GALNT8: variants seen among roughly 807,000 people sequenced by gnomAD.
The protein encoded by GALNT8 is polypeptide N-acetylgalactosaminyltransferase 8.
A neutral mutation model predicts 62.7 loss-of-function variants in GALNT8; 66 were observed. The ratio of observed to expected loss-of-function variants is 1.05; its 90% CI spans 0.86 to 1.29. The LOEUF (loss-of-function observed/expected upper bound fraction) is 1.29. Ranked by LOEUF, GALNT8 falls within the 50% of genes most tolerant of loss-of-function variation. The pLI, the probability that GALNT8 is intolerant of heterozygous loss-of-function variation, is 0.00. For missense variants in GALNT8, 771 were observed against 791.8 expected, an observed-to-expected ratio of 0.97 and a Z score of 0.32; for synonymous variants, 288 against 294.3, an observed-to-expected ratio of 0.98 and a Z score of 0.22.
At chr12:4,771,778 T>C (rs1946425549) in intron 10 of GALNT8, among the ~76,000 whole-genome samples, 1 of 152,008 alleles carries the variant, frequency 6.6e-6, no homozygotes, top group Non-Finnish European at 1.5e-5. Flanking sequence ...AGACGGTAGT[T>C]TGGACAGATG....
chr12:4,726,672 C>T lies in GALNT8; in HGVS notation c.352C>T (p.Leu118Phe), dbSNP rs1029834340. 5.6e-6 allele frequency: 9 copies of T among 1,613,966 alleles called. No homozygotes were observed. The highest frequency in any genetic ancestry group is 7.6e-6 in the Non-Finnish European group (9 of 1,179,978). Residue 118 changes from leucine (L) to phenylalanine (F), a missense_variant, in exon 2 of 11, where the codon CTC (leucine) becomes TTC (phenylalanine). Transcript: ENST00000252318. The surrounding 1 kb of genome is among the most constrained non-coding windows in gnomAD (Gnocchi z 4.1). ...ETKKHKTQMK[L>F]FPHSQLFRQW... Reference sequence around the variant, plus strand: ...AAAGAAGCACAAAACCCAAATGAAACTCTTCCCACACTCACAGCTTTTCAG... The same window carrying T: ...AAAGAAGCACAAAACCCAAATGAAATTCTTCCCACACTCACAGCTTTTCAG...
chr12:4,734,859 C>G (rs551476234), intron 2 of GALNT8, among the ~76,000 whole-genome samples: 1 of 152,104 alleles, frequency 6.6e-6, no homozygotes, highest in Non-Finnish European at 1.5e-5. Context: ...TGGCATTCAC[C>G]TGCATTTTGG....
Position 4,763,934 on chromosome 12 carries a change from G to T in GALNT8, c.1498-18G>T. On this transcript the variant is annotated intron_variant, in intron 8 of 10. Coordinates refer to ENST00000252318, the MANE Select transcript of GALNT8 (RefSeq NM_017417.2). ...CTGTCCTTTCTAACAGTGTTGCCGT[G>T]TGTTTTGTCCCCTTCAGATGAAAAA... is the stretch of plus-strand genomic sequence containing the variant. 1 of 1,282,598 alleles carries T rather than the reference G, an allele frequency of 7.8e-7. No individual in the cohort carries two copies. 79.5% of individuals were successfully genotyped at this position (1,282,598 alleles called of 1,614,324 possible). A position where few individuals can be genotyped will look rare whatever the true frequency, so the allele number is the denominator to read the frequency against.
At chr12:4,761,861 A>G (rs1946374652) in intron 7 of GALNT8, among the ~76,000 whole-genome samples, 1 of 152,098 alleles carries the variant, frequency 6.6e-6, no homozygotes, top group Admixed American at 6.5e-5. Context: ...GAGTTATCTC[A>G]TTGACAAACT....
chr12:4,745,023 C>T (rs796483384), intron 4 of GALNT8, among the ~76,000 whole-genome samples: 3 of 152,164 alleles, frequency 2.0e-5, no homozygotes, highest in African/African-American at 7.2e-5. Context: ...AAAGGTTTTT[C>T]CCCAGCCATG....
In GALNT8 at chr12:4,765,513, G is replaced by T; in HGVS notation, c.1728G>T (p.Lys576Asn). 1 of 1,610,642 alleles carries T rather than the reference G, an allele frequency of 6.2e-7. No individual in the cohort carries two copies. Among genetic ancestry groups the T allele is most frequent in the Non-Finnish European group, 8.5e-7 (1 of 1,179,406 alleles). The change falls in exon 10 of 11, where the codon AAG becomes AAT. Residue 576 changes from lysine to asparagine, a missense_variant. Transcript: ENST00000252318. The stretch of plus-strand genomic sequence containing the variant: ...TAGAACCATGCTCCAAGGCAGCTAA[G>T]AATAGACTGCATATATATTGGGATT... ...PTLEPCSKAA[K>N]NRLHIYWDFK...
chr12:4,741,066 A>G (rs1946269996), intron 3 of GALNT8, among the ~76,000 whole-genome samples: 1 of 152,200 alleles, frequency 6.6e-6, no homozygotes, highest in Admixed American at 6.5e-5. Context: ...AGTAAGGAAG[A>G]ATTTCTTGAC....
chr12:4,771,243 C>T (rs187176281), intron 10 of GALNT8, among the ~76,000 whole-genome samples: 2 of 152,298 alleles, frequency 1.3e-5, no homozygotes, highest in Non-Finnish European at 2.9e-5. Context: ...CAGGCCTGCT[C>T]AGTTGGCAGA....
chr12:4,751,505 T>C (rs1946322210), intron 6 of GALNT8, among the ~76,000 whole-genome samples: 1 of 152,198 alleles, frequency 6.6e-6, no homozygotes, highest in Non-Finnish European at 1.5e-5. Context: ...TCTTAATTTC[T>C]TCATTGACTC....
chr12:4,755,088 T>C (rs7315211), intron 6 of GALNT8, among the ~76,000 whole-genome samples: 79,133 of 152,020 alleles, frequency 0.52, 21,140 homozygotes, highest in Non-Finnish European at 0.59. Context: ...AGTACTGCCT[T>C]AGTGGCCCCA....
chr12:4,760,930 C>G (rs1290073540), intron 6 of GALNT8, 28 bp from the exon 7 acceptor site: 8 of 1,598,426 alleles, frequency 5.0e-6, no homozygotes, highest in Non-Finnish European at 6.9e-6. Context: ...CTGTGAAGCA[C>G]GGGTGATTTT....
chr12:4,745,954 G>GA (rs2137532814), intron 5 of GALNT8, among the ~76,000 whole-genome samples, 190 bp from the exon 6 acceptor site: 1 of 152,308 alleles, frequency 6.6e-6, no homozygotes, highest in Non-Finnish European at 1.5e-5. Context: ...TATATTTTGA[G>GA]AAGGGTTATG....
intron 6 of GALNT8, among the ~76,000 whole-genome samples, chr12:4,748,420 CTTTCATTCTTCTGCA>C: frequency 6.6e-6 from 1 of 152,056 alleles, no homozygotes; most frequent in East Asian, 1.9e-4. Flanking sequence ...TGCAGACCTA[CTTTCATTCTTCTGCA>C]TATGAATATC....
rs755579363 is a variant in GALNT8, at chr12:4,765,439, GC to G, written c.1655del (p.Ala552ValfsTer6). On this transcript the variant is annotated frameshift_variant, in exon 10 of 11. Coordinates refer to ENST00000252318, the MANE Select transcript of GALNT8 (RefSeq NM_017417.2). LOFTEE classifies it high-confidence loss of function. Reference sequence around the variant, plus strand: ...GGGACAACTGATTGCAGAGGCCAGTGCTAGTGATCGCTGCCTGACAGACCCT... The same window carrying G: ...GGGACAACTGATTGCAGAGGCCAGTGTAGTGATCGCTGCCTGACAGACCCT... ...YVGQLIAEASASDRCLTDPGK... is the reference protein window; with the variant it reads ...YVGQLIAEASXSDRCLTDPGK... 6 of 1,609,610 alleles carry G rather than the reference GC, an allele frequency of 3.7e-6. No homozygotes were observed. The Admixed American group carries it at 8.4e-5, about 23-fold the overall frequency.
rs1946368319 is a variant in GALNT8, at chr12:4,760,874, T to A, written c.1174-84T>A. Reference sequence around the variant, plus strand: ...TGAGCTTACATTCTTTAAAAACGGCTCTAAAATGTAGTCTTCTTGTGTCAA... The same window carrying A: ...TGAGCTTACATTCTTTAAAAACGGCACTAAAATGTAGTCTTCTTGTGTCAA... On this transcript the variant is annotated intron_variant, in intron 6 of 10. Transcript: ENST00000252318. 3 of 1,147,674 alleles carry A rather than the reference T, an allele frequency of 2.6e-6. No homozygotes were observed. The Admixed American group carries it at 6.1e-5, about 23-fold the overall frequency. The allele number at this position is 1,147,674 out of a possible 1,614,324, so 71.1% of individuals were successfully genotyped here. A position where few individuals can be genotyped will look rare whatever the true frequency, so the allele number is the denominator to read the frequency against.
chr12:4,739,139 T>C (rs1433132543), intron 2 of GALNT8, 24 bp from the exon 3 acceptor site: 16 of 1,485,810 alleles, frequency 1.1e-5, no homozygotes, highest in Non-Finnish European at 1.5e-5. Context: ...AAAAATAATA[T>C]GTTATAAAAA....
chr12:4,763,623 T>TCCCCCC (rs528801616), intron 8 of GALNT8, among the ~76,000 whole-genome samples: 4 of 144,132 alleles, frequency 2.8e-5, no homozygotes, highest in African/African-American at 5.0e-5. Flanking sequence ...TTGCCTGGAC[T>TCCCCCC]CCCCCCCGCC....
At position 4,726,909 on chromosome 12, in the gene GALNT8, CTGGGGGAG is replaced by C; in HGVS notation, c.509+88_509+95del. On this transcript the variant is annotated intron_variant, in intron 2 of 10. Coordinates refer to ENST00000252318, the MANE Select transcript of GALNT8 (RefSeq NM_017417.2). The surrounding 1 kb of genome is among the most constrained non-coding windows in gnomAD (Gnocchi z 4.1). Reference sequence around the variant, plus strand: ...CTTTGGGAGCAGTGAACATTGAAGGCTGGGGGAGTGGGGGATTGTTGGGGAAGGGGTTC... The same window carrying C: ...CTTTGGGAGCAGTGAACATTGAAGGCTGGGGGATTGTTGGGGAAGGGGTTC... 2 of 1,232,332 alleles carry C rather than the reference CTGGGGGAG, an allele frequency of 1.6e-6. No individual in the cohort carries two copies. Among genetic ancestry groups the C allele is most frequent in the Non-Finnish European group, 2.3e-6 (2 of 876,174 alleles). The allele number at this position is 1,232,332 out of a possible 1,614,324, so 76.3% of individuals were successfully genotyped here. A position where few individuals can be genotyped will look rare whatever the true frequency, so the allele number is the denominator to read the frequency against.
At chr12:4,721,016 A>G (rs540413678) in intron 1 of GALNT8, 128 bp downstream of exon 1, 2 of 648,680 alleles carry the variant, frequency 3.1e-6, no homozygotes, top group East Asian at 5.4e-5. Flanking sequence ...TCATTGAAGC[A>G]TCTGACACTG....
Sources: allele counts gnomAD v4.1 joint callset (sites outside exome capture counted in the v4.1 genomes callset), GRCh38; gene constraint gnomAD v4.1.1; non-coding constraint Gnocchi (gnomAD v3.1); transcripts MANE v1.5; gene names NCBI Gene and HGNC (gene_info 2026-07-23, HGNC 2026-07-21).